The following TRPC5 variants were observed in gnomAD, a reference collection of about 807,000 sequenced individuals.
The protein encoded by TRPC5 is transient receptor potential cation channel subfamily C member 5.
In TRPC5, 9 loss-of-function variants were observed where a neutral mutation model predicts 56.5. That is an observed-to-expected ratio of 0.16 (90% CI 0.10 to 0.28). The LOEUF is 0.28. Among genes scored for constraint, TRPC5 ranks in the 10% least tolerant of loss-of-function variants. The pLI is 1.00. For synonymous variants in TRPC5, 282 were observed against 278.5 expected, an observed-to-expected ratio of 1.01 and a Z score of -0.13; for missense variants, 469 against 748.9, an observed-to-expected ratio of 0.63 and a Z score of 4.36.
intron 1 of TRPC5, among the ~76,000 whole-genome samples, chrX:112,052,573 A>G (rs1366684998): frequency 9.0e-6 from 1 of 111,608 alleles, no homozygotes; most frequent in Non-Finnish European, 1.9e-5. Flanking sequence ...CACTCATTCT[A>G]TAGGTTGCCT....
chrX:111,831,618 A>G (rs948812340), intron 7 of TRPC5, among the ~76,000 whole-genome samples: 5 of 111,471 alleles, frequency 4.5e-5, no homozygotes, highest in African/African-American at 1.6e-4. Context: ...GTATATTTGG[A>G]CTCTCCCCAA....
intron 1 of TRPC5, among the ~76,000 whole-genome samples, chrX:112,003,394 C>T (rs1052089349): frequency 9.0e-6 from 1 of 110,816 alleles, no homozygotes; most frequent in Admixed American, 9.7e-5. Context: ...AAAAGAACTG[C>T]TTTCCAAGTA....
chrX:111,915,816 C>T (rs1925957836), intron 2 of TRPC5, among the ~76,000 whole-genome samples: 1 of 111,099 alleles, frequency 9.0e-6, no homozygotes, highest in South Asian at 3.9e-4. Context: ...AAGGAATTGA[C>T]TCTCTTGGGC....
At chrX:111,813,937 C>A (rs927100744) in intron 7 of TRPC5, among the ~76,000 whole-genome samples, 3 of 112,089 alleles carry the variant, frequency 2.7e-5, no homozygotes, top group African/African-American at 9.7e-5. Context: ...ACTTGGATTG[C>A]TTTCTTCTCT....
At chrX:111,912,958 G>T in intron 2 of TRPC5, 146 bp from the exon 3 acceptor site, 1 of 614,494 alleles carries the variant, frequency 1.6e-6, no homozygotes, top group Non-Finnish European at 2.4e-6. Flanking sequence ...CTTCCTTATA[G>T]CTAATGTTTG....
chrX:111,857,060 C>T (rs1009731121), intron 3 of TRPC5, among the ~76,000 whole-genome samples: 5 of 111,055 alleles, frequency 4.5e-5, no homozygotes, highest in Admixed American at 2.9e-4. Context: ...TTACTACATA[C>T]GAAGTGCTTA....
intron 2 of TRPC5, among the ~76,000 whole-genome samples, chrX:111,921,858 G>C (rs1926136061): frequency 8.9e-6 from 1 of 111,840 alleles, no homozygotes; most frequent in South Asian, 3.8e-4. Flanking sequence ...ATCTGTCCAA[G>C]GATTCCTTGT....
At chrX:111,792,233 C>T (rs1326570525) in intron 7 of TRPC5, among the ~76,000 whole-genome samples, 1 of 111,067 alleles carries the variant, frequency 9.0e-6, no homozygotes. Context: ...CACATGTTCT[C>T]ACTCATAAGT....
chrX:112,061,574 G>A (rs1050088112), intron 1 of TRPC5, among the ~76,000 whole-genome samples: 1 of 111,816 alleles, frequency 8.9e-6, no homozygotes, highest in Non-Finnish European at 1.9e-5. Flanking sequence ...AGAGTCTCTG[G>A]CATTTGATTT....
At chrX:111,920,136 A>G (rs1926087293) in intron 2 of TRPC5, among the ~76,000 whole-genome samples, 2 of 110,998 alleles carry the variant, frequency 1.8e-5, no homozygotes, top group African/African-American at 6.6e-5. Context: ...TTAGCTGGAC[A>G]TGGTGGTGCG....
intron 1 of TRPC5, among the ~76,000 whole-genome samples, chrX:111,970,944 A>T (rs748714441): frequency 9.2e-6 from 1 of 109,091 alleles, no homozygotes; most frequent in South Asian, 4.1e-4. Context: ...CGCCTGGCTA[A>T]TTTTTTTGTA....
At chrX:111,910,580 G>A (rs1389553681) in intron 3 of TRPC5, among the ~76,000 whole-genome samples, 1 of 112,558 alleles carries the variant, frequency 8.9e-6, no homozygotes, top group Non-Finnish European at 1.9e-5. Context: ...CGCCCAGGCT[G>A]GAGTGCCATG....
intron 2 of TRPC5, among the ~76,000 whole-genome samples, chrX:111,946,822 C>T (rs975096081): frequency 8.9e-6 from 1 of 112,289 alleles, no homozygotes; most frequent in Middle Eastern, 4.6e-3. Flanking sequence ...CAGACATTTA[C>T]ACAAGTAAGG....
intron 1 of TRPC5, among the ~76,000 whole-genome samples, chrX:112,006,329 T>C (rs1406356337): frequency 8.9e-6 from 1 of 112,023 alleles, no homozygotes; most frequent in African/African-American, 3.2e-5. Context: ...TTTGTAACAA[T>C]TACAACAAAT....
intron 3 of TRPC5, 125 bp downstream of exon 3, chrX:111,912,166 G>A (rs1925838597): frequency 3.7e-6 from 3 of 800,052 alleles, no homozygotes; most frequent in Non-Finnish European, 5.3e-6. Flanking sequence ...GGGCCTAGCT[G>A]TGAGGCCTGC....
chrX:111,976,706 A>T (rs772046988), intron 1 of TRPC5, among the ~76,000 whole-genome samples: 2 of 111,453 alleles, frequency 1.8e-5, no homozygotes, highest in Non-Finnish European at 3.8e-5. Context: ...ATTTGTTTGC[A>T]GATAATATGA....
intron 1 of TRPC5, among the ~76,000 whole-genome samples, chrX:112,026,632 C>T (rs778300008): frequency 1.8e-5 from 2 of 111,284 alleles, no homozygotes; most frequent in South Asian, 3.8e-4. Context: ...CCAAAAAGTA[C>T]GAAAACCACT....
chrX:111,804,117 C>T (rs1462234808), intron 7 of TRPC5, among the ~76,000 whole-genome samples: 2 of 112,142 alleles, frequency 1.8e-5, no homozygotes. Flanking sequence ...AATCCTTTCC[C>T]CATTACTTGT....
chrX:111,811,912 A>G (rs1263821089), intron 7 of TRPC5, among the ~76,000 whole-genome samples: 6 of 111,384 alleles, frequency 5.4e-5, no homozygotes, highest in Non-Finnish European at 1.1e-4. Flanking sequence ...TTGGAAATAC[A>G]CTTATGTTTT....
Sources: allele counts gnomAD v4.1 joint callset (sites outside exome capture counted in the v4.1 genomes callset), GRCh38; gene constraint gnomAD v4.1.1; transcripts MANE v1.5; gene names NCBI Gene and HGNC (gene_info 2026-07-23, HGNC 2026-07-21).